The following DTNB variants were observed in gnomAD, a reference collection of about 807,000 sequenced individuals.
The protein encoded by DTNB is dystrobrevin beta.
Under a neutral mutation model 90.7 loss-of-function variants are expected in DTNB, and 63 were observed. That is an observed-to-expected ratio of 0.69 (90% confidence interval 0.57 to 0.86). The LOEUF (loss-of-function observed/expected upper bound fraction) is 0.86. DTNB is among the 40% of genes least tolerant of loss of function. The pLI is 0.00. For synonymous variants in DTNB, 277 were observed against 286.7 expected, an observed-to-expected ratio of 0.97 and a Z score of 0.34; for missense variants, 744 against 807.1, an observed-to-expected ratio of 0.92 and a Z score of 0.95.
At chr2:25,612,809 T>C (rs2068991743) in intron 4 of DTNB, among the ~76,000 whole-genome samples, 1 of 152,130 alleles carries the variant, frequency 6.6e-6, no homozygotes, top group Admixed American at 6.5e-5. Flanking sequence ...ATTCAACAAC[T>C]TGAATGAACT....
chr2:25,479,538 T>C (rs1015491567), intron 10 of DTNB, among the ~76,000 whole-genome samples: 2 of 152,184 alleles, frequency 1.3e-5, no homozygotes, highest in Non-Finnish European at 2.9e-5. Context: ...TTATAAGATA[T>C]CAATTTAGGG....
intron 16 of DTNB, among the ~76,000 whole-genome samples, chr2:25,410,907 T>C (rs2046418629): frequency 6.6e-6 from 1 of 152,062 alleles, no homozygotes; most frequent in South Asian, 2.1e-4. Context: ...TGTAAGTTCT[T>C]GGTAAACAAC....
In DTNB at chr2:25,595,886, C is replaced by T. The variant is rs557013453; in HGVS notation, c.603+200G>A. 1.9e-3 allele frequency among the ~76,000 whole-genome samples: 263 copies of T among 142,056 alleles called. 2 individuals are homozygous for T. Among genetic ancestry groups the T allele is most frequent in the South Asian group, 9.9e-3 (40 of 4,026 alleles). The allele number at this position is 142,056 out of a possible 152,430, so 93.2% of individuals were successfully genotyped here. On this transcript the variant is annotated intron_variant, in intron 6 of 20. Transcript: ENST00000406818. ...TTTTTTTCCAAAGACACCACCCCCC[C>T]ACCCCCAGTTCCCCCGTAAGAGTTT...
chr2:25,558,356 T>A (rs1475588484), intron 8 of DTNB: 1 of 985,386 alleles, frequency 1.0e-6, no homozygotes, highest in Middle Eastern at 5.2e-4. Flanking sequence ...ACAGTGATCT[T>A]CCCACACATG....
intron 9 of DTNB, among the ~76,000 whole-genome samples, chr2:25,495,484 C>T (rs1432180814): frequency 6.6e-6 from 1 of 152,110 alleles, no homozygotes; most frequent in African/African-American, 2.4e-5. Context: ...TCTTATTATT[C>T]CATTATGATG....
At chr2:25,472,909 A>G (rs1165959555) in intron 10 of DTNB, among the ~76,000 whole-genome samples, 1 of 152,200 alleles carries the variant, frequency 6.6e-6, no homozygotes, top group Admixed American at 6.6e-5. Flanking sequence ...TAAATAATTA[A>G]CAATTCATTT....
chr2:25,639,731 C>T (rs1573882806), intron 2 of DTNB, among the ~76,000 whole-genome samples: 2 of 152,208 alleles, frequency 1.3e-5, no homozygotes, highest in East Asian at 3.9e-4. Context: ...ACTGTGACGG[C>T]CTCGCGGCAC....
At chr2:25,528,629 C>T (rs968372425) in intron 9 of DTNB, among the ~76,000 whole-genome samples, 7 of 152,150 alleles carry the variant, frequency 4.6e-5, no homozygotes, top group African/African-American at 1.7e-4. Flanking sequence ...CATTTCCATA[C>T]ACTAGTAACA....
intron 1 of DTNB, among the ~76,000 whole-genome samples, chr2:25,669,009 T>C (rs1425124277): frequency 6.6e-6 from 1 of 152,208 alleles, no homozygotes; most frequent in Non-Finnish European, 1.5e-5. Flanking sequence ...CTAAGTGAAA[T>C]CAGCCAGATA....
At chr2:25,408,612 A>T (rs2045873076) in intron 16 of DTNB, among the ~76,000 whole-genome samples, 1 of 151,488 alleles carries the variant, frequency 6.6e-6, no homozygotes, top group Non-Finnish European at 1.5e-5. Flanking sequence ...TTTATAAAAT[A>T]GCCTTCTACT....
rs1159892079 is a variant in DTNB, at chr2:25,580,739, G to A, written c.691C>T (p.Leu231Phe). ...TGCTTACCATTCTCAACATGGGCAA[G>A]CCTGTGCATGAGAGGTAGCCAGACA... ...CLVWLPLMHRLAHVENVFHPV... is the reference protein window; with the variant it reads ...CLVWLPLMHRFAHVENVFHPV... The change falls in exon 7 of 21, where the codon CTT becomes TTT. Residue 231 changes from leucine (L) to phenylalanine (F), a missense_variant. By Grantham distance (22) the Leu-to-Phe change is conservative. Coordinates refer to ENST00000406818, the MANE Select transcript of DTNB (RefSeq NM_021907.5). 6.2e-7 allele frequency: 1 copy of A among 1,613,616 alleles called. No homozygotes were observed. Among genetic ancestry groups the A allele is most frequent in the Admixed American group, 1.7e-5 (1 of 60,022 alleles).
At chr2:25,533,971 T>G (rs2078810848) in intron 8 of DTNB, among the ~76,000 whole-genome samples, 1 of 149,800 alleles carries the variant, frequency 6.7e-6, no homozygotes, top group African/African-American at 2.5e-5. Flanking sequence ...TTTATTTATT[T>G]TTTGGAAATG....
At chr2:25,584,704 G>C (rs1254940909) in intron 6 of DTNB, among the ~76,000 whole-genome samples, 1 of 151,998 alleles carries the variant, frequency 6.6e-6, no homozygotes, top group Non-Finnish European at 1.5e-5. Flanking sequence ...CTACAGGCGT[G>C]TGCCACCATG....
intron 1 of DTNB, among the ~76,000 whole-genome samples, chr2:25,661,242 T>A (rs2083116512): frequency 1.3e-5 from 2 of 152,148 alleles, no homozygotes; most frequent in Admixed American, 1.3e-4. Context: ...TCAAAACTCA[T>A]GAGAAAGATG....
chr2:25,392,378 C>A (rs2041366175), intron 16 of DTNB, among the ~76,000 whole-genome samples: 1 of 152,206 alleles, frequency 6.6e-6, no homozygotes, highest in Non-Finnish European at 1.5e-5. Context: ...CCACTGTACA[C>A]CAGCCTGGGC....
chr2:25,528,308 A>G (rs1329601648), intron 9 of DTNB, among the ~76,000 whole-genome samples: 2 of 152,190 alleles, frequency 1.3e-5, no homozygotes, highest in Non-Finnish European at 2.9e-5. Context: ...ACATCAAATA[A>G]CATACTAAAT....
chr2:25,599,222 A>T (rs1489192864), intron 5 of DTNB, among the ~76,000 whole-genome samples: 4 of 151,558 alleles, frequency 2.6e-5, no homozygotes, highest in Non-Finnish European at 5.9e-5. Flanking sequence ...AAGGAAGTTT[A>T]AAAGTTAGGA....
intron 9 of DTNB, among the ~76,000 whole-genome samples, chr2:25,522,701 C>CTT (rs201567111): frequency 6.0e-5 from 8 of 133,474 alleles, no homozygotes; most frequent in Non-Finnish European, 6.4e-5. Flanking sequence ...AAACTGAGGT[C>CTT]TTTTTTTTTT....
intron 9 of DTNB, among the ~76,000 whole-genome samples, chr2:25,503,407 C>G (rs910354062): frequency 3.3e-5 from 5 of 151,960 alleles, no homozygotes; most frequent in African/African-American, 1.2e-4. Flanking sequence ...GTGGGAGGAT[C>G]ACTTGAGCCC....
Sources: gnomAD v4.1 joint callset for allele counts (sites outside exome capture counted in the v4.1 genomes callset) on GRCh38, gnomAD v4.1.1 for gene constraint, MANE v1.5 for transcripts, NCBI Gene and HGNC (gene_info 2026-07-23, HGNC 2026-07-21) for gene names.